ZNF792: variants seen among roughly 807,000 people sequenced by gnomAD.
ZNF792 encodes the protein zinc finger protein 792.
In ZNF792, 14 loss-of-function variants were observed where a neutral mutation model predicts 13.1. That is an observed-to-expected ratio of 1.07 (90% CI 0.71 to 1.67). The LOEUF is 1.67. ZNF792 is among the 40% of genes most tolerant of loss of function. The probability of loss-of-function intolerance (pLI) is 0.00; values close to 1 mark genes in which losing one functional copy is unlikely to be tolerated. For missense variants in ZNF792, 740 were observed against 807.9 expected, an observed-to-expected ratio of 0.92 and a Z score of 1.02; for synonymous variants, 257 against 292.0, an observed-to-expected ratio of 0.88 and a Z score of 1.22.
rs2013465276 is a variant in ZNF792, at chr19:34,958,270, T to C, written c.1585A>G (p.Thr529Ala). 1.2e-6 allele frequency: 2 copies of C among 1,613,966 alleles called. No individual in the cohort carries two copies. The highest frequency in any genetic ancestry group is 1.7e-5 in the Admixed American group (1 of 60,032). Residue 529 changes from threonine (T) to alanine (A), a missense_variant, in exon 4 of 4, where the codon ACC becomes GCC. Physicochemically the swap from Thr to Ala is moderately conservative, Grantham distance 58. Coordinates refer to ENST00000404801, the MANE Select transcript of ZNF792 (RefSeq NM_175872.5). Reference protein sequence around the residue: ...SSLNNHRRLHTGERPYECSEC... With the variant: ...SSLNNHRRLHAGERPYECSEC... ...CTGCACTCATAAGGCCGCTCGCCGG[T>C]GTGAAGTCTCCGGTGGTTATTGAGG... is the stretch of plus-strand genomic sequence containing the variant.
chr19:34,962,760 T>C (rs1156855729), intron 1 of ZNF792, among the ~76,000 whole-genome samples: 1 of 152,120 alleles, frequency 6.6e-6, no homozygotes, highest in Non-Finnish European at 1.5e-5. Context: ...AACAACTCCC[T>C]CAGAACACCC....
In ZNF792 at chr19:34,963,678, G is replaced by C. The variant is rs751964598; in HGVS notation, c.-16C>G. 39 of 1,590,548 alleles carry C rather than the reference G, an allele frequency of 2.5e-5. No homozygotes were observed. In the South Asian group the frequency reaches 3.4e-4, roughly 14 times the overall value. ...CCGCTGCCATCGGAGTCTGTGGTCA[G>C]AGCAGGGCCCCACGGTGCGGGAAAC... is the stretch of plus-strand genomic sequence containing the variant. On this transcript the variant is annotated 5_prime_UTR_variant, in exon 1 of 4. Coordinates refer to ENST00000404801, the MANE Select transcript of ZNF792 (RefSeq NM_175872.5).
At position 34,960,872 on chromosome 19, in the gene ZNF792, C is replaced by A. The variant is rs199630450; in HGVS notation, c.156G>T (p.Ser52=). The change falls in exon 2 of 4, where the codon TCG becomes TCT. Residue 52 remains serine, a synonymous_variant. Coordinates refer to ENST00000404801, the MANE Select transcript of ZNF792 (RefSeq NM_175872.5). ...GGGTAGGGGTGACAGCCTTACCCAG[C>A]GAGGCTATAAGTGCAAAGTTTTCCA... ...VMLENFALIA[S]LGLISFRSHI... 6.2e-7 allele frequency: 1 copy of A among 1,613,938 alleles called. No individual in the cohort carries two copies. Among genetic ancestry groups the A allele is most frequent in the Non-Finnish European group, 8.5e-7 (1 of 1,179,942 alleles).
Position 34,959,475 on chromosome 19 carries a change from C to T in ZNF792, c.380G>A (p.Cys127Tyr), listed in dbSNP as rs770568829. The stretch of plus-strand genomic sequence containing the variant: ...GTCACAGGGGCAGGTCTTCTGGGGG[C>T]ACAGAGTTGCCTCGGGACTCCTGTC... ...AQDRSPEATLCPQKTCPCDIC... is the reference protein window; with the variant it reads ...AQDRSPEATLYPQKTCPCDIC... Residue 127 changes from cysteine to tyrosine, a missense_variant, in exon 4 of 4, where the codon TGC (cysteine) becomes TAC (tyrosine). Physicochemically the swap from Cys to Tyr is radical, Grantham distance 194. Coordinates refer to ENST00000404801, the MANE Select transcript of ZNF792 (RefSeq NM_175872.5). 6.2e-7 allele frequency: 1 copy of T among 1,613,200 alleles called. No individual in the cohort carries two copies. Among genetic ancestry groups the T allele is most frequent in the South Asian group, 1.1e-5 (1 of 90,944 alleles).
chr19:34,962,003 C>T (rs1345206373), intron 1 of ZNF792, among the ~76,000 whole-genome samples: 1 of 152,208 alleles, frequency 6.6e-6, no homozygotes, highest in Admixed American at 6.5e-5. Flanking sequence ...CTGATACACC[C>T]ACATAGCCCC....
chr19:34,961,000 A>T lies in ZNF792; in HGVS notation c.34-6T>A. On this transcript the variant is annotated splice_polypyrimidine_tract_variant and splice_region_variant and intron_variant, in intron 1 of 3. Coordinates refer to ENST00000404801, the MANE Select transcript of ZNF792 (RefSeq NM_175872.5). ...TCCTCAAAGGTCACGCAGCCCTGCCATGATGGGGACAGTTCGTTCCATGAT... is the reference window on the plus strand; with the variant it reads ...TCCTCAAAGGTCACGCAGCCCTGCCTTGATGGGGACAGTTCGTTCCATGAT... The T allele has an allele frequency of 6.2e-7, 1 of 1,611,826 alleles. No homozygotes were observed. The highest frequency in any genetic ancestry group is 1.3e-5 in the African/African-American group (1 of 74,982).
At chr19:34,960,089 T>G in intron 3 of ZNF792, 146 bp downstream of exon 3, 1 of 1,190,380 alleles carries the variant, frequency 8.4e-7, no homozygotes, top group South Asian at 1.6e-5. Flanking sequence ...AAGTAGATAA[T>G]GTGTCAAGCA....
chr19:34,958,939 T>C lies in ZNF792; in HGVS notation c.916A>G (p.Arg306Gly), dbSNP rs1283311115. Residue 306 changes from arginine (R) to glycine (G), a missense_variant, in exon 4 of 4, where the codon AGA becomes GGA. Physicochemically the swap from Arg to Gly is moderately radical, Grantham distance 125. Coordinates refer to ENST00000404801, the MANE Select transcript of ZNF792 (RefSeq NM_175872.5). ...TCACAGCACTCATACGGTTTTCCTC[T>C]ATTGTGAACTTTCTGGTGTTGAGTG... ...DLTQHQKVHNRGKPYECCECG... is the reference protein window; with the variant it reads ...DLTQHQKVHNGGKPYECCECG... The C allele has an allele frequency of 1.2e-6, 2 of 1,614,076 alleles. No individual in the cohort carries two copies. Among genetic ancestry groups the C allele is most frequent in the Non-Finnish European group, 1.7e-6 (2 of 1,179,944 alleles).
At chr19:34,959,723 C>A (rs956825851) in intron 3 of ZNF792, among the ~76,000 whole-genome samples, 152 bp from the exon 4 acceptor site, 4 of 152,210 alleles carry the variant, frequency 2.6e-5, no homozygotes, top group African/African-American at 9.6e-5. Flanking sequence ...TCTGCTCCGC[C>A]ATACTGTGCC....
Position 34,957,983 on chromosome 19 carries a change from T to C in ZNF792, c.1872A>G (p.Pro624=). Residue 624 remains proline, a synonymous_variant, in exon 4 of 4, where the codon CCA becomes CCG. Coordinates refer to ENST00000404801, the MANE Select transcript of ZNF792 (RefSeq NM_175872.5). ...AGGGAACCTCCCCAGGGTGGGTACT[T>C]GGATGAACAAGTTTCAACTTGTAGT... ...AVNYKLKLVH[P]STHPGEVP The C allele has an allele frequency of 1.2e-6, 2 of 1,611,426 alleles. No individual in the cohort carries two copies. Among genetic ancestry groups the C allele is most frequent in the African/African-American group, 1.3e-5 (1 of 74,998 alleles).
At chr19:34,962,221 T>C (rs1456050033) in intron 1 of ZNF792, among the ~76,000 whole-genome samples, 1 of 152,210 alleles carries the variant, frequency 6.6e-6, no homozygotes, top group Non-Finnish European at 1.5e-5. Context: ...ACATTTTGGA[T>C]GTTTCTAACT....
Position 34,963,889 on chromosome 19 carries a change from C to T in ZNF792, c.-227G>A. 1.9e-6 allele frequency: 1 copy of T among 538,946 alleles called. No homozygotes were observed. Among genetic ancestry groups the T allele is most frequent in the Non-Finnish European group, 3.2e-6 (1 of 311,134 alleles). The allele number at this position is 538,946 out of a possible 1,614,324, so 33.4% of individuals were successfully genotyped here. On this transcript the variant is annotated 5_prime_UTR_variant, in exon 1 of 4. Coordinates refer to ENST00000404801, the MANE Select transcript of ZNF792 (RefSeq NM_175872.5). ...AGCGCGCAGCTCCGCTGGGTACCCC[C>T]GTTGCAAGGGGTCACGGCTGGTGCA...
In ZNF792 at chr19:34,957,688, T is replaced by C. The variant is rs2013452164; in HGVS notation, c.*268A>G. 5.1e-6 allele frequency: 2 copies of C among 389,062 alleles called. No individual in the cohort carries two copies. The highest frequency in any genetic ancestry group is 9.1e-6 in the Non-Finnish European group (2 of 218,940). 24.1% of individuals were successfully genotyped at this position (389,062 alleles called of 1,614,324 possible). A position where few individuals can be genotyped will look rare whatever the true frequency, so the allele number is the denominator to read the frequency against. On this transcript the variant is annotated 3_prime_UTR_variant, in exon 4 of 4. Coordinates refer to ENST00000404801, the MANE Select transcript of ZNF792 (RefSeq NM_175872.5). Reference sequence around the variant, plus strand: ...GGTCTTCACAGCCAAAAGCTGGTCATGTCCATGGCTAAACCAGCCATACAG... The same window carrying C: ...GGTCTTCACAGCCAAAAGCTGGTCACGTCCATGGCTAAACCAGCCATACAG...
rs1194899029 is a variant in ZNF792, at chr19:34,960,256, C to G, written c.262G>C (p.Ala88Pro). Residue 88 changes from alanine to proline, a missense_variant, in exon 3 of 4, where the codon GCT becomes CCT. Physicochemically the swap from Ala to Pro is conservative, Grantham distance 27 (BLOSUM62 -1). Transcript: ENST00000404801. ...TTACCAGAGCCAGGCCTGCCATAAG[C>G]CCCTCTGGCCATGGCTGATGTCATA... The part of the protein sequence containing the change: ...VDMTSAMARG[A>P]YGRPGSDFCH... 6 of 1,613,918 alleles carry G rather than the reference C, an allele frequency of 3.7e-6. No individual in the cohort carries two copies. Among genetic ancestry groups the G allele is most frequent in the Non-Finnish European group, 1.7e-6 (2 of 1,179,806 alleles).
At chr19:34,962,725 T>C (rs1408296142) in intron 1 of ZNF792, among the ~76,000 whole-genome samples, 1 of 152,108 alleles carries the variant, frequency 6.6e-6, no homozygotes, top group Non-Finnish European at 1.5e-5. Context: ...ATTGTTCGAA[T>C]GAATATCCAG....
rs2013490782 is a variant in ZNF792 at position 34,959,348 on chromosome 19, A to C, written c.507T>G (p.Ser169=). ...PFVCEAYVKG[S]EFSANLPRKQ... Reference sequence around the variant, plus strand: ...TCCGGGGAAGGTTTGCACTGAACTCAGAGCCTTTCACATATGCCTCACACA... The same window carrying C: ...TCCGGGGAAGGTTTGCACTGAACTCCGAGCCTTTCACATATGCCTCACACA... Residue 169 remains serine (S), a synonymous_variant, in exon 4 of 4, where the codon TCT becomes TCG. Coordinates refer to ENST00000404801, the MANE Select transcript of ZNF792 (RefSeq NM_175872.5). The C allele has an allele frequency of 6.2e-7, 1 of 1,613,982 alleles. No homozygotes were observed. Among genetic ancestry groups the C allele is most frequent in the African/African-American group, 1.3e-5 (1 of 74,940 alleles).
intron 1 of ZNF792, among the ~76,000 whole-genome samples, chr19:34,962,313 C>G (rs1223467956): frequency 6.6e-6 from 1 of 152,202 alleles, no homozygotes; most frequent in East Asian, 1.9e-4. Context: ...AGACTCAATG[C>G]AAGCCGGGAG....
In ZNF792 at chr19:34,958,955, G is replaced by T; in HGVS notation, c.900C>A (p.His300Gln). The change falls in exon 4 of 4, where the codon CAC (histidine) becomes CAA (glutamine). Residue 300 changes from histidine to glutamine, a missense_variant. Physicochemically the swap from His to Gln is conservative, Grantham distance 24 (BLOSUM62 0). Transcript: ENST00000404801. ...FFTYAADLTQ[H>Q]QKVHNRGKPY... is the part of the protein sequence containing the mutation. ...GTTTTCCTCTATTGTGAACTTTCTGGTGTTGAGTGAGGTCAGCGGCGTAAG... is the reference window on the plus strand; with the variant it reads ...GTTTTCCTCTATTGTGAACTTTCTGTTGTTGAGTGAGGTCAGCGGCGTAAG... 6.2e-7 allele frequency: 1 copy of T among 1,614,156 alleles called. No homozygotes were observed.
In ZNF792 at chr19:34,963,565, G is replaced by A. The variant is rs987358973; in HGVS notation, c.33+65C>T. 71 of 1,569,530 alleles carry A rather than the reference G, an allele frequency of 4.5e-5. No individual in the cohort carries two copies. The African/African-American group carries it at 7.8e-4, about 17-fold the overall frequency. ...GTCCTAGAACAAAGCCATCTTTTGCGTCTCAACACCGAGAACAGAAGCGTG... is the reference window on the plus strand; with the variant it reads ...GTCCTAGAACAAAGCCATCTTTTGCATCTCAACACCGAGAACAGAAGCGTG... On this transcript the variant is annotated intron_variant, in intron 1 of 3. Transcript: ENST00000404801.
Sources: allele counts gnomAD v4.1 joint callset (sites outside exome capture counted in the v4.1 genomes callset), GRCh38; gene constraint gnomAD v4.1.1; transcripts MANE v1.5; gene names NCBI Gene and HGNC (gene_info 2026-07-23, HGNC 2026-07-21).